ZNF214: variants seen among roughly 807,000 people sequenced by gnomAD.
The protein encoded by ZNF214 is BWSCR2-associated zinc finger protein 1.
In ZNF214, 43 loss-of-function variants were observed where a neutral mutation model predicts 53.9. The ratio of observed to expected loss-of-function variants is 0.80; its 90% CI spans 0.63 to 1.03. ZNF214 has a LOEUF of 1.03. Among genes scored for constraint, ZNF214 ranks in the 50% least tolerant of loss-of-function variants. ZNF214 has a pLI of 0.00. For synonymous variants in ZNF214, 217 were observed against 229.5 expected (o/e 0.95, Z 0.49); for missense variants, 724 against 719.1 (o/e 1.01, Z -0.08).
chr11:7,014,801 TAACAAAAAAAAAAAAA>T (rs1279921549), intron 1 of ZNF214, among the ~76,000 whole-genome samples: 3 of 51,758 alleles, frequency 5.8e-5, no homozygotes, highest in African/African-American at 1.4e-4. Flanking sequence ...ACCCTGTCTC[TAACAAAAAAAAAAAAA>T]AACAAAAAAA....
At chr11:7,005,216 G>C (rs954716012) in intron 1 of ZNF214, among the ~76,000 whole-genome samples, 3 of 151,830 alleles carry the variant, frequency 2.0e-5, no homozygotes, top group African/African-American at 7.3e-5. Context: ...TCAGGCATCT[G>C]TATTTCAGTT....
At chr11:7,007,254 A>T (rs1481567305) in intron 1 of ZNF214, among the ~76,000 whole-genome samples, 1 of 151,752 alleles carries the variant, frequency 6.6e-6, no homozygotes, top group Non-Finnish European at 1.5e-5. Flanking sequence ...TATGAAAAAC[A>T]AAATAAAAAC....
At chr11:7,018,014 T>C (rs1375035008) in intron 1 of ZNF214, among the ~76,000 whole-genome samples, 2 of 152,216 alleles carry the variant, frequency 1.3e-5, no homozygotes, top group Non-Finnish European at 2.9e-5. Context: ...GTTTTATATA[T>C]ACTAATCTTT....
chr11:7,006,177 TG>T (rs1197536879), intron 1 of ZNF214, among the ~76,000 whole-genome samples: 1 of 152,068 alleles, frequency 6.6e-6, no homozygotes, highest in African/African-American at 2.4e-5. Context: ...TGACCTTTTT[TG>T]GTGTTTGAGA....
intron 1 of ZNF214, among the ~76,000 whole-genome samples, chr11:7,010,667 AAAG>A (rs1340039093): frequency 6.6e-6 from 1 of 151,810 alleles, no homozygotes; most frequent in Non-Finnish European, 1.5e-5. Context: ...AAACTTCAAA[AAAG>A]AAGAATAAAG....
chr11:7,010,190 G>A (rs960656472), intron 1 of ZNF214, among the ~76,000 whole-genome samples: 1 of 151,788 alleles, frequency 6.6e-6, no homozygotes, highest in Non-Finnish European at 1.5e-5. Context: ...AACAATAGAC[G>A]GGATAAAGAA....
chr11:6,998,502 C>G lies in ZNF214; in HGVS notation c.*1360G>C, dbSNP rs1468180147. Among the ~76,000 whole-genome samples, 3 of 151,964 alleles carry G rather than the reference C, an allele frequency of 2.0e-5. No individual in the cohort carries two copies. Among genetic ancestry groups the G allele is most frequent in the Non-Finnish European group, 4.4e-5 (3 of 67,936 alleles). On this transcript the variant is annotated 3_prime_UTR_variant, in exon 3 of 3. Transcript: ENST00000278314. ...TATCCTTTTCAGATACATTTAAGATCAGATCAAGTTTATCTATTAACTATC... is the reference window on the plus strand; with the variant it reads ...TATCCTTTTCAGATACATTTAAGATGAGATCAAGTTTATCTATTAACTATC...
chr11:7,008,130 G>T (rs897306459), intron 1 of ZNF214, among the ~76,000 whole-genome samples: 1 of 151,980 alleles, frequency 6.6e-6, no homozygotes, highest in Non-Finnish European at 1.5e-5. Flanking sequence ...ATACTTGAAG[G>T]AAACAAAAAT....
rs756849159 is a variant in ZNF214 at position 7,001,893 on chromosome 11, TACTTC to T, written c.128-343_128-339del. Among the ~76,000 whole-genome samples the T allele has an allele frequency of 7.0e-4, 107 of 152,176 alleles. No homozygotes were observed. In the Middle Eastern group the frequency reaches 0.01, roughly 15 times the overall value. On this transcript the variant is annotated intron_variant, in intron 2 of 2. Transcript: ENST00000278314. The stretch of plus-strand genomic sequence containing the variant: ...CGTAAAGACTGAGATTTAATTAGAT[TACTTC>T]ATTTTGTATGCTCTTATAAGAAACA...
intron 1 of ZNF214, among the ~76,000 whole-genome samples, chr11:7,011,688 G>C (rs187276551): frequency 7.9e-4 from 120 of 152,048 alleles, no homozygotes; most frequent in Middle Eastern, 3.4e-3. Context: ...AAAGAACTAA[G>C]AGCTACAAGA....
intron 1 of ZNF214, among the ~76,000 whole-genome samples, chr11:7,008,996 G>T (rs1326647769): frequency 6.6e-6 from 1 of 151,702 alleles, no homozygotes; most frequent in East Asian, 1.9e-4. Context: ...AATCAAAATG[G>T]CCATACTGAA....
In ZNF214 at chr11:6,997,491, C is replaced by A. The variant is rs1851213777; in HGVS notation, c.*2371G>T. Among the ~76,000 whole-genome samples, 1 of 150,084 alleles carries A rather than the reference C, an allele frequency of 6.7e-6. No individual in the cohort carries two copies. The highest frequency in any genetic ancestry group is 2.5e-5 in the African/African-American group (1 of 40,612). On this transcript the variant is annotated 3_prime_UTR_variant, in exon 3 of 3. Transcript: ENST00000278314. ...TTGGGGATTTTTTTGGTAGTCATTGCTACAGAGACTGAATAATTTTTGCTT... is the reference window on the plus strand; with the variant it reads ...TTGGGGATTTTTTTGGTAGTCATTGATACAGAGACTGAATAATTTTTGCTT...
intron 1 of ZNF214, among the ~76,000 whole-genome samples, chr11:7,007,196 T>C (rs942348230): frequency 1.4e-4 from 21 of 151,830 alleles, no homozygotes; most frequent in Admixed American, 4.6e-4. Flanking sequence ...TAAAAGTCAA[T>C]GTGGGTTTTA....
intron 1 of ZNF214, among the ~76,000 whole-genome samples, chr11:7,004,005 G>A (rs1160711330): frequency 6.6e-6 from 1 of 151,742 alleles, no homozygotes; most frequent in Non-Finnish European, 1.5e-5. Context: ...TGAAAACTGT[G>A]AAAGTTGGTA....
intron 1 of ZNF214, among the ~76,000 whole-genome samples, chr11:7,015,604 A>C (rs915326763): frequency 1.3e-5 from 2 of 151,906 alleles, no homozygotes; most frequent in African/African-American, 4.8e-5. Flanking sequence ...AACAACAACA[A>C]CAACAAATAG....
In ZNF214 at chr11:6,998,519, TTAAC is replaced by T. The variant is rs1196802139; in HGVS notation, c.*1339_*1342del. On this transcript the variant is annotated 3_prime_UTR_variant, in exon 3 of 3. Coordinates refer to ENST00000278314, the MANE Select transcript of ZNF214 (RefSeq NM_013249.4). ...TTTAAGATCAGATCAAGTTTATCTA[TTAAC>T]TATCAATTATTTTATATTCTTCAGT... Among the ~76,000 whole-genome samples the T allele has an allele frequency of 2.6e-5, 4 of 152,058 alleles. No homozygotes were observed. Among genetic ancestry groups the T allele is most frequent in the African/African-American group, 7.2e-5 (3 of 41,438 alleles).
rs867578055 is a variant in ZNF214, at chr11:6,999,864, A to G, written c.1819T>C (p.Ter607GlnextTer5). Residue 607 changes from the stop codon to glutamine, a stop_lost, in exon 3 of 3, where the codon TAA (stop) becomes CAA (glutamine). Transcript: ENST00000278314. ...GCTGTTAACTAAATGAACAATATTTATAAGTTTCCTCTTCTATGATTATTG... is the reference window on the plus strand; with the variant it reads ...GCTGTTAACTAAATGAACAATATTTGTAAGTTTCCTCTTCTATGATTATTG... ...LHNNHRRGNL[*>Q] 3.8e-6 allele frequency: 6 copies of G among 1,599,642 alleles called. No individual in the cohort carries two copies. The Admixed American group carries it at 5.2e-5, about 14-fold the overall frequency.
intron 1 of ZNF214, among the ~76,000 whole-genome samples, chr11:7,013,488 TGC>T (rs1564999827): frequency 6.6e-6 from 1 of 152,232 alleles, no homozygotes; most frequent in Admixed American, 6.5e-5. Flanking sequence ...TCCATATAAA[TGC>T]TAAACTATCG....
At chr11:7,019,615 C>A (rs1367149043) in intron 1 of ZNF214, 1 of 152,112 alleles carries the variant, frequency 6.6e-6, no homozygotes, top group East Asian at 1.9e-4. Flanking sequence ...CTCAACTGTG[C>A]CATCAAGCAC....
Sources: allele counts gnomAD v4.1 joint callset (sites outside exome capture counted in the v4.1 genomes callset), GRCh38; gene constraint gnomAD v4.1.1; transcripts MANE v1.5; gene names NCBI Gene and HGNC (gene_info 2026-07-23, HGNC 2026-07-21).